DNAJA1: variants seen among roughly 807,000 people sequenced by gnomAD.
The protein encoded by DNAJA1 is dnaJ homolog subfamily A member 1.
A neutral mutation model predicts 47.6 loss-of-function variants in DNAJA1; 26 were observed. The ratio of observed to expected loss-of-function variants is 0.55; its 90% CI spans 0.40 to 0.76. The LOEUF (loss-of-function observed/expected upper bound fraction) is 0.76, where lower values mean the gene tolerates loss of function less well. Ranked by LOEUF, DNAJA1 falls within the 30% of genes least tolerant of loss-of-function variation. The pLI is 0.00. For synonymous variants in DNAJA1, 165 were observed against 158.4 expected (o/e 1.04, Z -0.31); for missense variants, 315 against 485.0 (o/e 0.65, Z 3.29).
At chr9:33,027,986 T>TA (rs1268688738) in intron 3 of DNAJA1, among the ~76,000 whole-genome samples, 1 of 134,332 alleles carries the variant, frequency 7.4e-6, no homozygotes, top group Non-Finnish European at 1.5e-5. Context: ...GATCGCCCAA[T>TA]TACACTCCAG....
Position 33,026,938 on chromosome 9 carries a change from C to T in DNAJA1, c.258C>T (p.Asp86=). The change falls in exon 3 of 9, where the codon GAC becomes GAT. Residue 86 remains aspartate (D), a synonymous_variant. Transcript: ENST00000330899. The stretch of plus-strand genomic sequence containing the variant: ...GTGGCGGTTTTGGCTCCCCCATGGA[C>T]ATCTTTGATATGTTTTTTGGAGGAG... ...GAGGGFGSPM[D]IFDMFFGGGG... The T allele has an allele frequency of 6.2e-7, 1 of 1,614,122 alleles. No homozygotes were observed. The highest frequency in any genetic ancestry group is 8.5e-7 in the Non-Finnish European group (1 of 1,180,020).
chr9:33,037,164 A>C lies in DNAJA1; in HGVS notation c.975+49A>C, dbSNP rs747971662. 1.9e-6 allele frequency: 3 copies of C among 1,552,322 alleles called. No homozygotes were observed. In the African/African-American group the frequency reaches 4.1e-5, roughly 21 times the overall value. On this transcript the variant is annotated intron_variant, in intron 8 of 8. Coordinates refer to ENST00000330899, the MANE Select transcript of DNAJA1 (RefSeq NM_001539.4). The stretch of plus-strand genomic sequence containing the variant: ...ATACTTGAGAACAATTGGCTTACTA[A>C]AATCTGATAAAAAAGTAAAATTTCA...
chr9:33,030,486 A>G lies in DNAJA1; in HGVS notation c.462A>G (p.Arg154=), dbSNP rs1167681926. The change falls in exon 5 of 9, where the codon CGA becomes CGG. Residue 154 remains arginine, a synonymous_variant. Transcript: ENST00000330899. ...KGAVECCPNC[R]GTGMQIRIHQ... ...CAGTAGAGTGCTGTCCCAATTGCCGAGGTACTGGAATGCAAATAAGAATTC... is the reference window on the plus strand; with the variant it reads ...CAGTAGAGTGCTGTCCCAATTGCCGGGGTACTGGAATGCAAATAAGAATTC... 1 of 1,613,656 alleles carries G rather than the reference A, an allele frequency of 6.2e-7. No homozygotes were observed. The highest frequency in any genetic ancestry group is 1.3e-5 in the African/African-American group (1 of 74,924).
At position 33,030,469 on chromosome 9, in the gene DNAJA1, T is replaced by G; in HGVS notation, c.445T>G (p.Cys149Gly). The G allele has an allele frequency of 6.2e-7, 1 of 1,613,154 alleles. No homozygotes were observed. The highest frequency in any genetic ancestry group is 8.5e-7 in the Non-Finnish European group (1 of 1,179,930). ...GRGGKKGAVE[C>G]CPNCRGTGMQ... is the part of the protein sequence containing the mutation. ...AGGAGGTAAGAAAGGAGCAGTAGAG[T>G]GCTGTCCCAATTGCCGAGGTACTGG... The change falls in exon 5 of 9, where the codon TGC (cysteine) becomes GGC (glycine). Residue 149 changes from cysteine to glycine, a missense_variant. Transcript: ENST00000330899.
At chr9:33,031,531 A>G (rs1005605881) in intron 5 of DNAJA1, among the ~76,000 whole-genome samples, 1 of 152,034 alleles carries the variant, frequency 6.6e-6, no homozygotes, top group African/African-American at 2.4e-5. Context: ...TCCTGGGTTC[A>G]AGCGATTCTC....
At chr9:33,034,376 T>C in intron 6 of DNAJA1, 46 bp downstream of exon 6, 2 of 1,482,030 alleles carry the variant, frequency 1.3e-6, no homozygotes, top group Non-Finnish European at 1.8e-6. Flanking sequence ...CATATTTGGG[T>C]TGTTGGTTTT....
chr9:33,030,294 T>TA, intron 4 of DNAJA1, 146 bp from the exon 5 acceptor site: 1 of 736,880 alleles, frequency 1.4e-6, no homozygotes, highest in Admixed American at 2.9e-5. Context: ...ATTGGAATGA[T>TA]CTCATCAGTT....
chr9:33,028,136 T>G (rs1838904339), intron 3 of DNAJA1, among the ~76,000 whole-genome samples: 1 of 152,028 alleles, frequency 6.6e-6, no homozygotes, highest in East Asian at 1.9e-4. Context: ...AATTTGATGG[T>G]AGGTACAGTG....
At chr9:33,031,569 C>G (rs1035710465) in intron 5 of DNAJA1, among the ~76,000 whole-genome samples, 1 of 151,884 alleles carries the variant, frequency 6.6e-6, no homozygotes, top group African/African-American at 2.4e-5. Context: ...GTAGCTGGGA[C>G]TACAGGTGTG....
intron 3 of DNAJA1, among the ~76,000 whole-genome samples, chr9:33,027,260 A>T (rs1025267537): frequency 1.3e-5 from 2 of 150,584 alleles, no homozygotes; most frequent in East Asian, 2.0e-4. Context: ...GGTTCAAGCG[A>T]TTCTCCTGCC....
In DNAJA1 at chr9:33,031,850, TC is replaced by T. The variant is rs1287218678; in HGVS notation, c.643+1186del. ...CTTTCATTTTTTTAGACTTGACACT[TC>T]CCTAACCCATTGGGCTCCAGATTTA... On this transcript the variant is annotated intron_variant, in intron 5 of 8. Coordinates refer to ENST00000330899, the MANE Select transcript of DNAJA1 (RefSeq NM_001539.4). Among the ~76,000 whole-genome samples, 3 of 152,218 alleles carry T rather than the reference TC, an allele frequency of 2.0e-5. No individual in the cohort carries two copies. The East Asian group carries it at 5.8e-4, about 29-fold the overall frequency.
chr9:33,038,523 G>A (rs1055739554), intron 8 of DNAJA1, among the ~76,000 whole-genome samples, 162 bp from the exon 9 acceptor site: 9 of 152,294 alleles, frequency 5.9e-5, no homozygotes, highest in Non-Finnish European at 1.0e-4. Flanking sequence ...AGTTCAGAGT[G>A]TGCTATGCAC....
At chr9:33,028,955 CAAT>C (rs1245771986) in intron 3 of DNAJA1, among the ~76,000 whole-genome samples, 2 of 152,146 alleles carry the variant, frequency 1.3e-5, no homozygotes, top group African/African-American at 2.4e-5. Flanking sequence ...GGTGGAAAGG[CAAT>C]AATATTGTTG....
chr9:33,032,935 C>T (rs1385020854), intron 5 of DNAJA1, among the ~76,000 whole-genome samples: 1 of 152,040 alleles, frequency 6.6e-6, no homozygotes, highest in Non-Finnish European at 1.5e-5. Context: ...ATTCATTGTA[C>T]TGTTGGCTCT....
intron 4 of DNAJA1, 82 bp from the exon 5 acceptor site, chr9:33,030,358 A>AT (rs1455756247): frequency 1.6e-5 from 21 of 1,324,644 alleles, no homozygotes; most frequent in Non-Finnish European, 2.2e-5. Flanking sequence ...AAAGTATAGC[A>AT]TTTAGGAATT....
chr9:33,027,476 A>T (rs895639475), intron 3 of DNAJA1, among the ~76,000 whole-genome samples: 1 of 150,848 alleles, frequency 6.6e-6, no homozygotes, highest in Non-Finnish European at 1.5e-5. Context: ...CGCTTTTTTT[A>T]AAATGAGATT....
chr9:33,035,622 A>G (rs551822350), intron 6 of DNAJA1, among the ~76,000 whole-genome samples: 7 of 151,822 alleles, frequency 4.6e-5, no homozygotes, highest in African/African-American at 1.7e-4. Context: ...GGCGCCCACC[A>G]CCACGCCCAG....
chr9:33,035,791 G>A (rs1839024651), intron 6 of DNAJA1, among the ~76,000 whole-genome samples: 1 of 152,068 alleles, frequency 6.6e-6, no homozygotes, highest in Non-Finnish European at 1.5e-5. Flanking sequence ...ATTAATGTGG[G>A]TTGGAAAAGG....
At position 33,026,730 on chromosome 9, in the gene DNAJA1, C is replaced by CT. The variant is rs1257301812; in HGVS notation, c.133-78dup. 11 of 1,571,556 alleles carry CT rather than the reference C, an allele frequency of 7.0e-6. No homozygotes were observed. The African/African-American group carries it at 1.4e-4, about 20-fold the overall frequency. On this transcript the variant is annotated intron_variant, in intron 2 of 8. Transcript: ENST00000330899. ...ATAGTAACTATGATCACTTCTCGGC[C>CT]TTTTTAGCTAAGATCAAGTGTAATG...
Sources: gnomAD v4.1 joint callset for allele counts (sites outside exome capture counted in the v4.1 genomes callset) on GRCh38, gnomAD v4.1.1 for gene constraint, MANE v1.5 for transcripts, NCBI Gene and HGNC (gene_info 2026-07-23, HGNC 2026-07-21) for gene names.